TMEM135: variants seen among roughly 807,000 people sequenced by gnomAD.
TMEM135 encodes transmembrane protein 135.
In TMEM135, 30 loss-of-function variants were observed where a neutral mutation model predicts 60.3. The observed-to-expected ratio is 0.50, with a 90% CI of 0.37 to 0.68. The LOEUF (loss-of-function observed/expected upper bound fraction) is 0.68, where lower values mean the gene tolerates loss of function less well. TMEM135 is among the 30% of genes least tolerant of loss of function. TMEM135 has a pLI of 0.00. For missense variants in TMEM135, 468 were observed against 548.8 expected (o/e 0.85, Z 1.47); for synonymous variants, 190 against 186.7 (o/e 1.02, Z -0.14).
intron 10 of TMEM135, among the ~76,000 whole-genome samples, chr11:87,311,695 G>C (rs1006881506): frequency 6.6e-6 from 1 of 151,952 alleles, no homozygotes; most frequent in Non-Finnish European, 1.5e-5. Context: ...TATTCACGTG[G>C]TGTGTTCAAA....
At chr11:87,042,478 A>T (rs868850654) in intron 1 of TMEM135, among the ~76,000 whole-genome samples, 8 of 152,188 alleles carry the variant, frequency 5.3e-5, no homozygotes, top group African/African-American at 1.9e-4. Context: ...TTTGGTTTTT[A>T]TGACCTGCCT....
intron 1 of TMEM135, 43 bp from the exon 2 acceptor site, chr11:87,067,651 G>A (rs370797390): frequency 4.3e-5 from 70 of 1,610,680 alleles, no homozygotes; most frequent in Non-Finnish European, 5.6e-5. Context: ...ATTTAAGTGG[G>A]AAATGTTGGT....
At chr11:87,318,872 TTC>T (rs1942775607) in intron 13 of TMEM135, among the ~76,000 whole-genome samples, 1 of 149,188 alleles carries the variant, frequency 6.7e-6, no homozygotes, top group African/African-American at 2.4e-5. Flanking sequence ...ACTTTTTTTT[TTC>T]TTTTTTTTTT....
chr11:87,276,155 A>G (rs1485902896), intron 6 of TMEM135, among the ~76,000 whole-genome samples: 1 of 152,210 alleles, frequency 6.6e-6, no homozygotes, highest in Non-Finnish European at 1.5e-5. Flanking sequence ...ACTAACGCAC[A>G]TAAATCCTAT....
At position 87,245,376 on chromosome 11, in the gene TMEM135, G is replaced by A. The variant is rs1416152482; in HGVS notation, c.509+8692G>A. Among the ~76,000 whole-genome samples, 6 of 91,598 alleles carry A rather than the reference G, an allele frequency of 6.6e-5. No individual in the cohort carries two copies. In the East Asian group the frequency reaches 1.1e-3, roughly 17 times the overall value. 60.1% of individuals were successfully genotyped at this position (91,598 alleles called of 152,430 possible). A position where few individuals can be genotyped will look rare whatever the true frequency, so the allele number is the denominator to read the frequency against. On this transcript the variant is annotated intron_variant, in intron 6 of 14. Transcript: ENST00000305494. Reference sequence around the variant, plus strand: ...TAGATGTCTGTTAGGTCCGCTTGGTGCAGAGCTGAGTTCAATTGCTAGGTA... The same window carrying A: ...TAGATGTCTGTTAGGTCCGCTTGGTACAGAGCTGAGTTCAATTGCTAGGTA...
rs191535771 is a variant in TMEM135, at chr11:87,055,975, T to G, written c.142-11719T>G. On this transcript the variant is annotated intron_variant, in intron 1 of 14. Transcript: ENST00000305494. ...AGAAAGTAAAGTGGTGAAAGGACAGTTACTCCATAGACAGAGTAGGATGTT... is the reference window on the plus strand; with the variant it reads ...AGAAAGTAAAGTGGTGAAAGGACAGGTACTCCATAGACAGAGTAGGATGTT... 2.3e-4 allele frequency among the ~76,000 whole-genome samples: 35 copies of G among 152,222 alleles called. 1 individual carries two copies. The East Asian group carries it at 6.8e-3, about 29-fold the overall frequency.
intron 7 of TMEM135, among the ~76,000 whole-genome samples, chr11:87,298,775 A>G (rs1942391173): frequency 1.1e-5 from 1 of 89,506 alleles, no homozygotes. Context: ...TGACAGAGTG[A>G]GACTCTGTCT....
At chr11:87,297,746 T>G (rs186249280) in intron 7 of TMEM135, among the ~76,000 whole-genome samples, 1 of 152,376 alleles carries the variant, frequency 6.6e-6, no homozygotes, top group Non-Finnish European at 1.5e-5. Context: ...TGTTAATTCT[T>G]GCTAATATTC....
At chr11:87,082,643 A>G (rs1289211856) in intron 3 of TMEM135, among the ~76,000 whole-genome samples, 2 of 152,226 alleles carry the variant, frequency 1.3e-5, no homozygotes, top group African/African-American at 4.8e-5. Flanking sequence ...CTGTGGAAGT[A>G]GATTCATGTG....
intron 5 of TMEM135, among the ~76,000 whole-genome samples, chr11:87,204,191 G>C (rs1940184172): frequency 6.6e-6 from 1 of 151,844 alleles, no homozygotes; most frequent in Non-Finnish European, 1.5e-5. Context: ...GGTTCTCTCT[G>C]AAAGTCCCCT....
chr11:87,068,060 T>C (rs1031732762), intron 2 of TMEM135, among the ~76,000 whole-genome samples: 4 of 152,204 alleles, frequency 2.6e-5, no homozygotes, highest in African/African-American at 9.7e-5. Context: ...TACTTTAAGA[T>C]GTTATACATA....
intron 3 of TMEM135, among the ~76,000 whole-genome samples, chr11:87,086,789 G>A (rs939994428): frequency 6.6e-6 from 1 of 152,192 alleles, no homozygotes; most frequent in Non-Finnish European, 1.5e-5. Context: ...TCTTAATCTG[G>A]TCTGTGGATT....
chr11:87,170,396 A>C (rs552549050), intron 5 of TMEM135, among the ~76,000 whole-genome samples: 1 of 152,132 alleles, frequency 6.6e-6, no homozygotes, highest in East Asian at 1.9e-4. Flanking sequence ...GCCTTTTTGC[A>C]CTGGTTTTTC....
At chr11:87,187,844 C>T (rs1017410559) in intron 5 of TMEM135, among the ~76,000 whole-genome samples, 20 of 152,184 alleles carry the variant, frequency 1.3e-4, no homozygotes, top group Admixed American at 5.9e-4. Flanking sequence ...ATTCTTTTAC[C>T]GTTCATTCAT....
chr11:87,252,444 T>C (rs1402864778), intron 6 of TMEM135, among the ~76,000 whole-genome samples: 2 of 152,198 alleles, frequency 1.3e-5, no homozygotes, highest in African/African-American at 4.8e-5. Flanking sequence ...TCTAAATACA[T>C]GGTCTTTCTT....
At chr11:87,065,990 T>C (rs764857204) in intron 1 of TMEM135, among the ~76,000 whole-genome samples, 15 of 152,232 alleles carry the variant, frequency 9.9e-5, no homozygotes, top group Non-Finnish European at 1.9e-4. Flanking sequence ...TTGGGTCTTA[T>C]TCATCATTGT....
intron 1 of TMEM135, among the ~76,000 whole-genome samples, chr11:87,040,772 G>T (rs941009312): frequency 6.6e-6 from 1 of 151,912 alleles, no homozygotes; most frequent in Non-Finnish European, 1.5e-5. Context: ...AGAATTAAAT[G>T]AAATCATGCA....
At chr11:87,163,028 TTA>T (rs1938931754) in intron 5 of TMEM135, among the ~76,000 whole-genome samples, 1 of 151,420 alleles carries the variant, frequency 6.6e-6, no homozygotes, top group Non-Finnish European at 1.5e-5. Flanking sequence ...TTTTTTTTTT[TTA>T]ATTTTTTTAT....
intron 1 of TMEM135, among the ~76,000 whole-genome samples, chr11:87,061,433 A>G (rs932402111): frequency 2.3e-4 from 35 of 152,310 alleles, no homozygotes; most frequent in African/African-American, 7.2e-4. Context: ...AGGCTGAGAA[A>G]CTCTACTTTA....
Sources: gnomAD v4.1 joint callset for allele counts (sites outside exome capture counted in the v4.1 genomes callset) on GRCh38, gnomAD v4.1.1 for gene constraint, MANE v1.5 for transcripts, NCBI Gene and HGNC (gene_info 2026-07-23, HGNC 2026-07-21) for gene names.